Variants in GRM1 observed in about 807,000 individuals in gnomAD.
The protein encoded by GRM1 is metabotropic glutamate receptor 1.
Under a neutral mutation model 90.9 loss-of-function variants are expected in GRM1, and 33 were observed. The observed-to-expected ratio is 0.36, with a 90% confidence interval of 0.28 to 0.49. The LOEUF is 0.49. Among genes scored for constraint, GRM1 ranks in the 20% least tolerant of loss-of-function variants. The pLI is 0.99. For missense variants in GRM1, 1,190 were observed against 1,534.3 expected, an observed-to-expected ratio of 0.78 and a Z score of 3.75; for synonymous variants, 700 against 613.2, an observed-to-expected ratio of 1.14 and a Z score of -2.09.
At chr6:146,212,679 G>A (rs1354535102) in intron 2 of GRM1, among the ~76,000 whole-genome samples, 4 of 152,122 alleles carry the variant, frequency 2.6e-5, no homozygotes, top group African/African-American at 4.8e-5. Flanking sequence ...AAATAATGTT[G>A]AATACATGAT....
rs73577169 is a variant in GRM1 at position 146,299,712 on chromosome 6, G to A, written c.951-4899G>A. Among the ~76,000 whole-genome samples the A allele has an allele frequency of 7.9e-3, 1,198 of 152,190 alleles. 20 individuals are homozygous for A. The highest frequency in any genetic ancestry group is 0.027 in the African/African-American group (1,125 of 41,516). ...CTAATATTCATCTGAATACTTGTGG[G>A]AGATGTACTGCAGACCATTCTCTTT... On this transcript the variant is annotated intron_variant, in intron 2 of 7. Transcript: ENST00000282753.
intron 6 of GRM1, among the ~76,000 whole-genome samples, chr6:146,396,032 AAT>A (rs1240239560): frequency 4.0e-5 from 6 of 151,250 alleles, no homozygotes; most frequent in Non-Finnish European, 8.9e-5. Flanking sequence ...CCATATGGCC[AAT>A]GTTATTTTAA....
At chr6:146,239,518 A>C (rs1369721872) in intron 2 of GRM1, among the ~76,000 whole-genome samples, 1 of 152,156 alleles carries the variant, frequency 6.6e-6, no homozygotes, top group Non-Finnish European at 1.5e-5. Context: ...ATACATAGCC[A>C]GGACTTCATC....
intron 2 of GRM1, among the ~76,000 whole-genome samples, chr6:146,265,422 A>C (rs1261885752): frequency 6.6e-6 from 1 of 152,098 alleles, no homozygotes; most frequent in Middle Eastern, 3.2e-3. Flanking sequence ...GTAGATTCTG[A>C]ATATTATTTC....
intron 5 of GRM1, among the ~76,000 whole-genome samples, chr6:146,368,737 G>C (rs1583398313): frequency 6.6e-6 from 1 of 152,002 alleles, no homozygotes; most frequent in Non-Finnish European, 1.5e-5. Flanking sequence ...ATGTACTGTG[G>C]AATTTGGTTT....
chr6:146,216,678 A>T (rs1779883043), intron 2 of GRM1, among the ~76,000 whole-genome samples: 1 of 152,246 alleles, frequency 6.6e-6, no homozygotes, highest in Non-Finnish European at 1.5e-5. Context: ...AGCATGGAAG[A>T]GTCCTGTTCC....
At chr6:146,286,834 A>C (rs953607056) in intron 2 of GRM1, among the ~76,000 whole-genome samples, 1 of 152,214 alleles carries the variant, frequency 6.6e-6, no homozygotes, top group African/African-American at 2.4e-5. Context: ...AATGTCTTAA[A>C]ACTGACAGCC....
chr6:146,071,699 G>C (rs954170224), intron 1 of GRM1, among the ~76,000 whole-genome samples: 3 of 152,166 alleles, frequency 2.0e-5, no homozygotes, highest in Non-Finnish European at 4.4e-5. Context: ...GGAAGGAAGG[G>C]AGACAGGATA....
At chr6:146,196,350 C>G (rs1375543890) in intron 2 of GRM1, among the ~76,000 whole-genome samples, 2 of 149,958 alleles carry the variant, frequency 1.3e-5, no homozygotes, top group African/African-American at 4.9e-5. Flanking sequence ...TGCAGTGGCA[C>G]TATCTCGGCT....
chr6:146,148,264 T>C (rs1359323435), intron 1 of GRM1, among the ~76,000 whole-genome samples: 3 of 152,098 alleles, frequency 2.0e-5, no homozygotes, highest in African/African-American at 7.2e-5. Flanking sequence ...TTATTGTAGA[T>C]AACTTAGAAA....
intron 2 of GRM1, among the ~76,000 whole-genome samples, chr6:146,231,012 G>A (rs1403784377): frequency 6.6e-6 from 1 of 152,026 alleles, no homozygotes; most frequent in African/African-American, 2.4e-5. Context: ...AGGCAGGGAG[G>A]GATGAACAGG....
chr6:146,383,792 A>G (rs1228887015), intron 5 of GRM1, among the ~76,000 whole-genome samples: 2 of 152,174 alleles, frequency 1.3e-5, no homozygotes, highest in Admixed American at 1.3e-4. Context: ...TTTTACATAT[A>G]GGAATATTTG....
intron 2 of GRM1, 109 bp from the exon 3 acceptor site, chr6:146,304,502 A>G (rs1157176651): frequency 6.0e-6 from 5 of 834,194 alleles, no homozygotes; most frequent in Non-Finnish European, 1.0e-5. Context: ...ATGCTGGCTT[A>G]AAATAGTCTG....
chr6:146,179,570 G>A (rs1778464132), intron 2 of GRM1, among the ~76,000 whole-genome samples: 1 of 152,218 alleles, frequency 6.6e-6, no homozygotes, highest in Non-Finnish European at 1.5e-5. Flanking sequence ...CGGGAGTGCA[G>A]TGGTGCGATC....
intron 1 of GRM1, among the ~76,000 whole-genome samples, chr6:146,083,443 G>A (rs916112934): frequency 3.9e-5 from 6 of 152,150 alleles, no homozygotes; most frequent in African/African-American, 1.4e-4. Flanking sequence ...TTAACATGAA[G>A]GGATGTTGAA....
intron 2 of GRM1, among the ~76,000 whole-genome samples, chr6:146,215,625 G>A (rs926187346): frequency 1.3e-5 from 2 of 148,856 alleles, no homozygotes; most frequent in Admixed American, 6.6e-5. Flanking sequence ...TTAAAAATGT[G>A]TTTTATCATT....
chr6:146,369,931 C>T (rs966200544), intron 5 of GRM1, among the ~76,000 whole-genome samples: 2 of 152,000 alleles, frequency 1.3e-5, no homozygotes, highest in African/African-American at 4.8e-5. Flanking sequence ...GTTGAAGTCT[C>T]CAACTATTAC....
intron 2 of GRM1, among the ~76,000 whole-genome samples, chr6:146,241,695 T>G (rs904339619): frequency 6.6e-6 from 1 of 152,174 alleles, no homozygotes; most frequent in Admixed American, 6.5e-5. Flanking sequence ...TTCTGAATAA[T>G]TTATCCTAAC....
intron 3 of GRM1, among the ~76,000 whole-genome samples, chr6:146,323,352 A>AT (rs1784274532): frequency 6.6e-6 from 1 of 152,038 alleles, no homozygotes; most frequent in Admixed American, 6.5e-5. Flanking sequence ...GATGATGAGC[A>AT]TTTTTTCATG....
Sources: gnomAD v4.1 joint callset for allele counts (sites outside exome capture counted in the v4.1 genomes callset) on GRCh38, gnomAD v4.1.1 for gene constraint, MANE v1.5 for transcripts, NCBI Gene and HGNC (gene_info 2026-07-23, HGNC 2026-07-21) for gene names.